Variants in ZNF266 observed in about 807,000 individuals in gnomAD.
ZNF266 encodes zinc finger protein 1.
In ZNF266, 16 loss-of-function variants were observed where a neutral mutation model predicts 16.4. That is an observed-to-expected ratio of 0.98 (90% CI 0.66 to 1.48). The LOEUF (loss-of-function observed/expected upper bound fraction) is 1.48. Ranked by LOEUF, ZNF266 falls within the 40% of genes most tolerant of loss-of-function variation. The pLI, the probability that ZNF266 is intolerant of heterozygous loss-of-function variation, is 0.00. For missense variants in ZNF266, 738 were observed against 689.1 expected (o/e 1.07, Z -0.79); for synonymous variants, 262 against 237.9 (o/e 1.10, Z -0.93).
At chr19:9,432,137 TTA>T (rs2071701461) in intron 5 of ZNF266, among the ~76,000 whole-genome samples, 1 of 152,130 alleles carries the variant, frequency 6.6e-6, no homozygotes, top group Non-Finnish European at 1.5e-5. Flanking sequence ...TGTATTTTTT[TTA>T]ATAGAGTCAG....
intron 5 of ZNF266, among the ~76,000 whole-genome samples, chr19:9,432,947 A>T (rs1010221664): frequency 4.6e-5 from 7 of 152,284 alleles, no homozygotes; most frequent in African/African-American, 1.4e-4. Context: ...TTTATTTTAC[A>T]ATAGTTTGTA....
Position 9,414,142 on chromosome 19 carries a change from A to T in ZNF266, c.984T>A (p.Thr328=). The part of the protein sequence containing the change: ...RSCQLTQHRK[T]HTGEKPYKCK... The stretch of plus-strand genomic sequence containing the variant: ...ATTTATAAGGTTTCTCTCCAGTGTG[A>T]GTTTTTCTGTGCTGAGTAAGTTGAC... Residue 328 remains threonine, a synonymous_variant, in exon 11 of 11, where the codon ACT becomes ACA. Coordinates refer to ENST00000592904, the MANE Select transcript of ZNF266 (RefSeq NM_001370374.1). The T allele has an allele frequency of 6.2e-7, 1 of 1,613,884 alleles. No individual in the cohort carries two copies. The highest frequency in any genetic ancestry group is 8.5e-7 in the Non-Finnish European group (1 of 1,179,888).
chr19:9,428,033 C>A (rs558817442), intron 5 of ZNF266, among the ~76,000 whole-genome samples: 60 of 152,248 alleles, frequency 3.9e-4, no homozygotes, highest in Middle Eastern at 3.4e-3. Flanking sequence ...TAGAGACTGG[C>A]AACTTTTTAA....
At chr19:9,418,023 T>A (rs1021829866) in intron 8 of ZNF266, 115 bp from the exon 9 acceptor site, 1 of 1,083,706 alleles carries the variant, frequency 9.2e-7, no homozygotes, top group Non-Finnish European at 1.4e-6. Context: ...TTAAAAGGGC[T>A]AAAAATGCAA....
intron 5 of ZNF266, chr19:9,420,878 C>T (rs1302600218): frequency 6.6e-6 from 1 of 152,022 alleles, no homozygotes; most frequent in Non-Finnish European, 1.5e-5. Flanking sequence ...GCAATTTTGT[C>T]CCTGACACCC....
intron 10 of ZNF266, 82 bp from the exon 11 acceptor site, chr19:9,414,802 GTGA>G (rs2122753715): frequency 2.2e-6 from 3 of 1,388,130 alleles, no homozygotes; most frequent in African/African-American, 1.4e-5. Flanking sequence ...GAGGAACACT[GTGA>G]TGATTATTAT....
intron 5 of ZNF266, among the ~76,000 whole-genome samples, chr19:9,427,746 G>A (rs1321197378): frequency 1.3e-5 from 2 of 151,960 alleles, no homozygotes; most frequent in African/African-American, 2.4e-5. Context: ...CATCACATAC[G>A]ATCTTTGCAA....
Position 9,413,923 on chromosome 19 carries a change from T to C in ZNF266, c.1203A>G (p.Arg401=). ...FECKICGKSF[R]NSSCLSDHFR... Reference sequence around the variant, plus strand: ...AGTGATCACTGAGGCATGAGGAATTTCTAAAGGATTTTCCACATATCTTAC... The same window carrying C: ...AGTGATCACTGAGGCATGAGGAATTCCTAAAGGATTTTCCACATATCTTAC... The change falls in exon 11 of 11, where the codon AGA becomes AGG. Residue 401 remains arginine (R), a synonymous_variant. Coordinates refer to ENST00000592904, the MANE Select transcript of ZNF266 (RefSeq NM_001370374.1). 1 of 1,614,144 alleles carries C rather than the reference T, an allele frequency of 6.2e-7. No individual in the cohort carries two copies. Among genetic ancestry groups the C allele is most frequent in the South Asian group, 1.1e-5 (1 of 91,080 alleles).
At chr19:9,429,881 C>T (rs1206902970) in intron 5 of ZNF266, among the ~76,000 whole-genome samples, 1 of 152,160 alleles carries the variant, frequency 6.6e-6, no homozygotes, top group African/African-American at 2.4e-5. Flanking sequence ...GAGGGGACCA[C>T]CTACTCCATG....
At position 9,413,249 on chromosome 19, in the gene ZNF266, G is replaced by A; in HGVS notation, c.*26C>T. 3 of 1,540,724 alleles carry A rather than the reference G, an allele frequency of 1.9e-6. No individual in the cohort carries two copies. Among genetic ancestry groups the A allele is most frequent in the Non-Finnish European group, 2.6e-6 (3 of 1,146,486 alleles). On this transcript the variant is annotated 3_prime_UTR_variant, in exon 11 of 11. Transcript: ENST00000592904. ...TTTTCATGTCTTCAGAGAGAACAGG[G>A]ACACCTTTAGGTTTTCCCACATTCC... is the stretch of plus-strand genomic sequence containing the variant.
chr19:9,430,035 TACTA>T (rs950360090), intron 5 of ZNF266, among the ~76,000 whole-genome samples: 3 of 105,268 alleles, frequency 2.8e-5, no homozygotes, highest in African/African-American at 3.8e-5. Flanking sequence ...TAAGAGAGAA[TACTA>T]ACTGCCTGTT....
chr19:9,413,662 T>G lies in ZNF266; in HGVS notation c.1464A>C (p.Ser488=). ...GAATTCTCAAATGTCCACTAAGATTTGAAGAAATAGCAAAGGCTTTCCCAC... is the reference window on the plus strand; with the variant it reads ...GAATTCTCAAATGTCCACTAAGATTGGAAGAAATAGCAAAGGCTTTCCCAC... The part of the protein sequence containing the change: ...VKCGKAFAIS[S]NLSGHLRIHT... The change falls in exon 11 of 11, where the codon TCA becomes TCC. Residue 488 remains serine (S), a synonymous_variant. Coordinates refer to ENST00000592904, the MANE Select transcript of ZNF266 (RefSeq NM_001370374.1). 6.2e-7 allele frequency: 1 copy of G among 1,613,672 alleles called. No individual in the cohort carries two copies. Among genetic ancestry groups the G allele is most frequent in the South Asian group, 1.1e-5 (1 of 91,048 alleles).
Position 9,413,307 on chromosome 19 carries a change from T to C in ZNF266, c.1819A>G (p.Arg607Gly), listed in dbSNP as rs774835018. 1 of 1,602,654 alleles carries C rather than the reference T, an allele frequency of 6.2e-7. No homozygotes were observed. The highest frequency in any genetic ancestry group is 1.1e-5 in the South Asian group (1 of 89,412). ...GACAGTCTCTCATCCGCATGCCTTC[T>C]TTCATGATTTCGAAAGGAACTGGAA... ...SSSSSFRNHERRHADERLSA is the reference protein window; with the variant it reads ...SSSSSFRNHEGRHADERLSA The change falls in exon 11 of 11, where the codon AGA (arginine) becomes GGA (glycine). Residue 607 changes from arginine to glycine, a missense_variant. Coordinates refer to ENST00000592904, the MANE Select transcript of ZNF266 (RefSeq NM_001370374.1).
Position 9,432,514 on chromosome 19 carries a change from TCAGCAGGTTCTTGGAAACTGAGA to T in ZNF266, c.-130+1131_-130+1153del. Among the ~76,000 whole-genome samples the T allele has an allele frequency of 1.3e-5, 2 of 152,166 alleles. 1 individual carries two copies. The highest frequency in any genetic ancestry group is 2.9e-5 in the Non-Finnish European group (2 of 68,024). On this transcript the variant is annotated intron_variant, in intron 5 of 10. Transcript: ENST00000592904. The stretch of plus-strand genomic sequence containing the variant: ...GAATTTAAGTCTTCACTTAAAGTCA[TCAGCAGGTTCTTGGAAACTGAGA>T]CTTTAAGCGAAATGACATACAACAA...
Position 9,413,943 on chromosome 19 carries a change from T to C in ZNF266, c.1183A>G (p.Ile395Val), listed in dbSNP as rs1035162941. Residue 395 changes from isoleucine (I) to valine (V), a missense_variant, in exon 11 of 11, where the codon ATA becomes GTA. By Grantham distance (29) the Ile-to-Val change is conservative (BLOSUM62 3). Coordinates refer to ENST00000592904, the MANE Select transcript of ZNF266 (RefSeq NM_001370374.1). ...HTAKDPFECK[I>V]CGKSFRNSSC... ...GAATTTCTAAAGGATTTTCCACATA[T>C]CTTACATTCAAAGGGATCCTTTGCA... The C allele has an allele frequency of 6.2e-7, 1 of 1,614,142 alleles. No homozygotes were observed.
chr19:9,425,210 T>C (rs1226168506), intron 5 of ZNF266, among the ~76,000 whole-genome samples: 2 of 152,308 alleles, frequency 1.3e-5, no homozygotes, highest in East Asian at 3.9e-4. Context: ...TCCTGAGGGA[T>C]AACGTCCATG....
intron 5 of ZNF266, among the ~76,000 whole-genome samples, chr19:9,422,017 A>C (rs2069992901): frequency 6.6e-6 from 1 of 151,906 alleles, no homozygotes; most frequent in South Asian, 2.1e-4. Flanking sequence ...CACCCGGCTA[A>C]TTTTTTTGTA....
intron 9 of ZNF266, among the ~76,000 whole-genome samples, chr19:9,416,087 G>A (rs984393429): frequency 2.6e-4 from 39 of 152,174 alleles, no homozygotes; most frequent in African/African-American, 8.7e-4. Context: ...CCCTCAAAGT[G>A]CTGGGATTAC....
At chr19:9,424,128 C>T (rs2878569) in intron 5 of ZNF266, among the ~76,000 whole-genome samples, 92,056 of 151,276 alleles carry the variant, frequency 0.61, 28,566 homozygotes, top group African/African-American at 0.73. Context: ...GGAAAATGCC[C>T]CCCCCAGGGG....
Sources: allele counts gnomAD v4.1 joint callset (sites outside exome capture counted in the v4.1 genomes callset), GRCh38; gene constraint gnomAD v4.1.1; transcripts MANE v1.5; gene names NCBI Gene and HGNC (gene_info 2026-07-23, HGNC 2026-07-21).